The following LRRC37A2 variants were observed in gnomAD, a reference collection of about 807,000 sequenced individuals.
The protein encoded by LRRC37A2 is leucine rich repeat containing 37 member A2, also known as leucine-rich repeat-containing protein 37A2.
Under a neutral mutation model 68.8 loss-of-function variants are expected in LRRC37A2, and 9 were observed. The observed-to-expected ratio is 0.13, with a 90% CI of 0.08 to 0.23. The LOEUF (loss-of-function observed/expected upper bound fraction) is 0.23, where lower values mean the gene tolerates loss of function less well. LRRC37A2 is among the 10% of genes least tolerant of loss of function. LRRC37A2 has a pLI of 1.00. For synonymous variants in LRRC37A2, 63 were observed against 367.6 expected (o/e 0.17, Z 9.48); for missense variants, 168 against 950.4 (o/e 0.18, Z 10.82).
At chr17:46,688,344 CTAAAAA>C in the LRRC37A2 span, among the ~76,000 whole-genome samples, 1 of 148,416 alleles carries the variant, frequency 6.7e-6, no homozygotes, top group African/African-American at 2.6e-5. Flanking sequence ...GACCTTATCT[CTAAAAA>C]TAAAAATAAA....
the LRRC37A2 span, among the ~76,000 whole-genome samples, chr17:46,731,791 A>T: frequency 1.3e-5 from 2 of 152,198 alleles, no homozygotes; most frequent in Non-Finnish European, 1.5e-5. Context: ...GGTGACTCTG[A>T]CCTGGACTGC....
chr17:46,922,861 A>G, the LRRC37A2 span: 15 of 412,118 alleles, frequency 3.6e-5, 1 homozygote, highest in South Asian at 4.4e-4. Flanking sequence ...GCTCGCCTTC[A>G]ACTTTGCTCT....
the LRRC37A2 span, chr17:46,749,806 C>T: frequency 9.3e-6 from 15 of 1,613,992 alleles, no homozygotes; most frequent in Admixed American, 5.0e-5. Context: ...GACCACTAGC[C>T]GCAAAGATGT....
the LRRC37A2 span, chr17:46,769,770 T>C: frequency 8.7e-6 from 14 of 1,608,278 alleles, no homozygotes; most frequent in African/African-American, 1.6e-4. Context: ...TTGGGGAGGG[T>C]AGCCGGGCTC....
At chr17:46,854,942 G>C in the LRRC37A2 span, among the ~76,000 whole-genome samples, 1 of 152,176 alleles carries the variant, frequency 6.6e-6, no homozygotes, top group African/African-American at 2.4e-5. Flanking sequence ...TTACAGGCAT[G>C]AGCTACCATG....
At chr17:46,971,007 C>T in the LRRC37A2 span, among the ~76,000 whole-genome samples, 1 of 152,296 alleles carries the variant, frequency 6.6e-6, no homozygotes, top group African/African-American at 2.4e-5. Flanking sequence ...TACTGTTTGC[C>T]AACATTTTTC....
At chr17:46,942,197 T>C in the LRRC37A2 span, among the ~76,000 whole-genome samples, 1 of 152,156 alleles carries the variant, frequency 6.6e-6, no homozygotes, top group Non-Finnish European at 1.5e-5. Context: ...TCAGCTCCAG[T>C]AGCCAAAGCA....
the LRRC37A2 span, among the ~76,000 whole-genome samples, chr17:46,761,524 G>A: frequency 0.014 from 2,109 of 151,728 alleles, 44 homozygotes; most frequent in African/African-American, 0.049. Flanking sequence ...TAGTAAAAAC[G>A]GGCTTTCACC....
the LRRC37A2 span, among the ~76,000 whole-genome samples, chr17:46,943,335 TC>T: frequency 1.2e-4 from 19 of 152,172 alleles, no homozygotes; most frequent in Admixed American, 6.5e-4. Context: ...GGCCAGCTCT[TC>T]GCTGCCCCTG....
the LRRC37A2 span, chr17:46,769,839 T>A: frequency 6.2e-7 from 1 of 1,613,376 alleles, no homozygotes; most frequent in Non-Finnish European, 8.5e-7. Context: ...TCCGGCCTGT[T>A]CTCGCGCGCA....
At chr17:46,534,997 C>T (rs1223744967) in intron 6 of LRRC37A2, among the ~76,000 whole-genome samples, 7 of 150,238 alleles carry the variant, frequency 4.7e-5, no homozygotes, top group African/African-American at 1.8e-4. Context: ...TGCTCCTCAC[C>T]TCCCAGACAG....
the LRRC37A2 span, among the ~76,000 whole-genome samples, chr17:46,750,852 A>AG: frequency 6.6e-6 from 1 of 152,172 alleles, no homozygotes; most frequent in African/African-American, 2.4e-5. Flanking sequence ...GTCAAAAAAA[A>AG]AAAAGCTACA....
the LRRC37A2 span, among the ~76,000 whole-genome samples, chr17:46,794,981 C>G: frequency 6.6e-6 from 1 of 151,994 alleles, no homozygotes; most frequent in East Asian, 1.9e-4. Flanking sequence ...GAACTCCTGA[C>G]CACAGGTGAT....
At chr17:46,522,113 TTAGG>T (rs1254811073) in intron 4 of LRRC37A2, among the ~76,000 whole-genome samples, 1 of 10,776 alleles carries the variant, frequency 9.3e-5, no homozygotes, top group Admixed American at 7.3e-4. Context: ...GCAGGATAGT[TTAGG>T]TAGGGAGAGA....
chr17:47,017,199 T>C, the LRRC37A2 span: 1 of 1,611,780 alleles, frequency 6.2e-7, no homozygotes, highest in East Asian at 2.2e-5. Flanking sequence ...CAGAATGACT[T>C]CCGCTCAGTG....
At chr17:46,863,391 G>T in the LRRC37A2 span, among the ~76,000 whole-genome samples, 5 of 152,230 alleles carry the variant, frequency 3.3e-5, no homozygotes, top group Non-Finnish European at 5.9e-5. Context: ...GACTGGGAAA[G>T]AATGGATCTC....
chr17:46,897,783 C>G, the LRRC37A2 span, among the ~76,000 whole-genome samples: 22 of 152,302 alleles, frequency 1.4e-4, no homozygotes, highest in African/African-American at 5.1e-4. Context: ...AGCCACCACG[C>G]TGGCTACCTT....
chr17:46,750,484 A>G, the LRRC37A2 span, among the ~76,000 whole-genome samples: 1 of 152,204 alleles, frequency 6.6e-6, no homozygotes, highest in Admixed American at 6.5e-5. Flanking sequence ...TTTCCTTTGA[A>G]TGTCATGTTG....
the LRRC37A2 span, among the ~76,000 whole-genome samples, chr17:46,810,003 TC>T: frequency 2.7e-4 from 38 of 139,540 alleles, no homozygotes; most frequent in African/African-American, 9.6e-4. Context: ...TTTCTTTCTT[TC>T]TTTTTTTTTT....
Sources: allele counts gnomAD v4.1 joint callset (sites outside exome capture counted in the v4.1 genomes callset), GRCh38; gene constraint gnomAD v4.1.1; transcripts MANE v1.5; gene names NCBI Gene and HGNC (gene_info 2026-07-23, HGNC 2026-07-21).